The following IL17B variants were observed in gnomAD, a reference collection of about 807,000 sequenced individuals.
IL17B encodes interleukin 17B.
IL17B carries 14 observed loss-of-function variants against 14.7 expected under a neutral mutation model. That is an observed-to-expected ratio of 0.95 (90% CI 0.63 to 1.49). IL17B has a LOEUF of 1.49. Among genes scored for constraint, IL17B ranks in the 40% most tolerant of loss-of-function variants. The pLI, the probability that IL17B is intolerant of heterozygous loss-of-function variation, is 0.00. For missense variants in IL17B, 233 were observed against 252.8 expected, an observed-to-expected ratio of 0.92 and a Z score of 0.53; for synonymous variants, 105 against 94.8, an observed-to-expected ratio of 1.11 and a Z score of -0.62.
At chr5:149,390,665 A>C (rs1758929786) in intron 1 of IL17B, among the ~76,000 whole-genome samples, 1 of 147,928 alleles carries the variant, frequency 6.8e-6, no homozygotes, top group Non-Finnish European at 1.5e-5. Context: ...CCCTTCGCCA[A>C]CCCAGCTCTG....
chr5:149,392,274 C>T (rs1758984901), intron 1 of IL17B, among the ~76,000 whole-genome samples: 1 of 152,216 alleles, frequency 6.6e-6, no homozygotes, highest in African/African-American at 2.4e-5. Context: ...TTTCTAATTT[C>T]TATCTTGTAT....
At chr5:149,381,914 G>C (rs542418013), upstream of IL17B, among the ~76,000 whole-genome samples, 1 of 152,302 alleles carries the variant, frequency 6.6e-6, no homozygotes, top group South Asian at 2.1e-4. Flanking sequence ...TGGGGTCCTT[G>C]GGTCTTAACA....
intron 1 of IL17B, among the ~76,000 whole-genome samples, chr5:149,399,077 A>G (rs1454213759): frequency 6.6e-6 from 1 of 152,238 alleles, no homozygotes; most frequent in Non-Finnish European, 1.5e-5. Flanking sequence ...TCATGAGAAC[A>G]GCATGGGAAA....
At chr5:149,378,834 C>T (rs926515625) in intron 1 of IL17B, among the ~76,000 whole-genome samples, 3 of 152,216 alleles carry the variant, frequency 2.0e-5, no homozygotes, top group African/African-American at 7.2e-5. Flanking sequence ...GAATCAAAGT[C>T]CCCCTCCCTC....
At chr5:149,376,417 G>A (rs1255462775) in intron 2 of IL17B, among the ~76,000 whole-genome samples, 3 of 152,260 alleles carry the variant, frequency 2.0e-5, no homozygotes, top group Non-Finnish European at 2.9e-5. Context: ...GGCCCACAGA[G>A]CAGAGGAAGT....
At chr5:149,394,751 G>A (rs905191456) in intron 1 of IL17B, among the ~76,000 whole-genome samples, 5 of 152,180 alleles carry the variant, frequency 3.3e-5, no homozygotes, top group African/African-American at 7.2e-5. Flanking sequence ...TTCTTTTAGC[G>A]TATGGCTCTG....
Position 149,388,507 on chromosome 5 carries a change from G to A in IL17B, n.96-11482C>T, listed in dbSNP as rs151139652. ...ATATGCTCCCCAGCCTTTTATTAGC[G>A]TTTTAAATGTCTGTCTCCCTGCTTC... On this transcript the variant is annotated intron_variant and non_coding_transcript_variant, in intron 1 of 2. Transcript: ENST00000505432. Among the ~76,000 whole-genome samples, 356 of 152,310 alleles carry A rather than the reference G, an allele frequency of 2.3e-3. 1 individual carries two copies. The highest frequency in any genetic ancestry group is 8.1e-3 in the African/African-American group (337 of 41,562).
rs1491235916 is a variant in IL17B at position 149,390,630 on chromosome 5, C to CACACACACACAGAG, written n.95+13477_95+13478insCTCTGTGTGTGTGT. Among the ~76,000 whole-genome samples the CACACACACACAGAG allele has an allele frequency of 2.9e-3, 379 of 132,042 alleles. 3 individuals are homozygous for CACACACACACAGAG. Among genetic ancestry groups the CACACACACACAGAG allele is most frequent in the African/African-American group, 6.2e-3 (213 of 34,554 alleles). 86.6% of individuals were successfully genotyped at this position (132,042 alleles called of 152,430 possible). A position where few individuals can be genotyped will look rare whatever the true frequency, so the allele number is the denominator to read the frequency against. ...ACACACACACACACACACACACACA[C>CACACACACACAGAG]AGAGATACACAAGGCCCTCCAAGTC... is the stretch of plus-strand genomic sequence containing the variant. On this transcript the variant is annotated intron_variant and non_coding_transcript_variant, in intron 1 of 2. Coordinates refer to the IL17B transcript ENST00000505432.
chr5:149,384,909 CTT>C lies in IL17B; in HGVS notation n.96-7886_96-7885del, dbSNP rs531690396. On this transcript the variant is annotated intron_variant and non_coding_transcript_variant, in intron 1 of 2. Transcript: ENST00000505432. ...GTTGTGGGGTGGAGGGGTTGTTGAG[CTT>C]TTTTTTTTTTTTTTTGAGATGGAGT... Among the ~76,000 whole-genome samples the C allele has an allele frequency of 1.8e-3, 243 of 131,736 alleles. 1 individual carries two copies. The highest frequency in any genetic ancestry group is 5.9e-3 in the African/African-American group (215 of 36,174). 86.4% of individuals were successfully genotyped at this position (131,736 alleles called of 152,430 possible).
At chr5:149,384,389 G>A (rs146095515) in intron 1 of IL17B, among the ~76,000 whole-genome samples, 1,675 of 152,122 alleles carry the variant, frequency 0.011, 15 homozygotes, top group Non-Finnish European at 0.018. Context: ...TGGCAAGTTC[G>A]GGCTGATATT....
rs377701351 is a variant in IL17B, at chr5:149,374,506, G to A, written c.406C>T (p.Arg136Cys). The change falls in exon 3 of 3, where the codon CGC becomes TGC. Residue 136 changes from arginine (R) to cysteine (C), a missense_variant. Transcript: ENST00000261796. This position sits in a 1 kb window ranked among gnomAD's most constrained non-coding sequence, Gnocchi z 5.0. ...CVNPFTMQED[R>C]SMVSVPVFSQ... ...AACACCGGCACGCTCACCATGCTGC[G>A]GTCCTCCTGCATGGTGAAGGGGTTC... 2.1e-5 allele frequency: 34 copies of A among 1,613,118 alleles called. No homozygotes were observed. The highest frequency in any genetic ancestry group is 1.7e-4 in the African/African-American group (13 of 74,936).
intron 1 of IL17B, among the ~76,000 whole-genome samples, chr5:149,401,214 C>T (rs751977277): frequency 3.4e-4 from 51 of 152,232 alleles, no homozygotes; most frequent in Non-Finnish European, 5.7e-4. Context: ...TTCCTAATTG[C>T]ATAAGCTTCC....
At chr5:149,396,936 AT>A (rs1759105163) in intron 1 of IL17B, among the ~76,000 whole-genome samples, 1 of 152,128 alleles carries the variant, frequency 6.6e-6, no homozygotes, top group African/African-American at 2.4e-5. Context: ...ATGGCGCTAT[AT>A]GGGAAGGGGC....
chr5:149,398,860 C>T (rs2127622934), intron 1 of IL17B, among the ~76,000 whole-genome samples: 1 of 152,290 alleles, frequency 6.6e-6, no homozygotes, highest in Middle Eastern at 3.4e-3. Flanking sequence ...CCAGATGTCA[C>T]CACTGTACTC....
intron 1 of IL17B, among the ~76,000 whole-genome samples, chr5:149,394,386 C>T (rs773201605): frequency 6.6e-6 from 1 of 152,114 alleles, no homozygotes; most frequent in Non-Finnish European, 1.5e-5. Context: ...CCCAAAGAAC[C>T]GAGATCTTGA....
At chr5:149,400,822 A>T (rs1759190482) in intron 1 of IL17B, among the ~76,000 whole-genome samples, 1 of 152,224 alleles carries the variant, frequency 6.6e-6, no homozygotes, top group Admixed American at 6.5e-5. Flanking sequence ...TAAGTCCCAG[A>T]GTCCCAAGGA....
intron 2 of IL17B, among the ~76,000 whole-genome samples, chr5:149,375,853 TG>T (rs1391965599): frequency 6.6e-6 from 1 of 152,200 alleles, no homozygotes; most frequent in Non-Finnish European, 1.5e-5. Flanking sequence ...TACTCCAGCC[TG>T]GGTAACAGAG....
intron 1 of IL17B, among the ~76,000 whole-genome samples, chr5:149,392,382 C>A (rs941298625): frequency 2.0e-5 from 3 of 152,224 alleles, no homozygotes; most frequent in African/African-American, 7.2e-5. Context: ...CAGTGGAACC[C>A]TATCCAACCA....
At chr5:149,394,609 T>G (rs920921092) in intron 1 of IL17B, among the ~76,000 whole-genome samples, 4 of 152,222 alleles carry the variant, frequency 2.6e-5, no homozygotes, top group Admixed American at 2.0e-4. Flanking sequence ...GATGTGAAGA[T>G]GATATGAAAA....
Sources: allele counts gnomAD v4.1 joint callset (sites outside exome capture counted in the v4.1 genomes callset), GRCh38; gene constraint gnomAD v4.1.1; non-coding constraint Gnocchi (gnomAD v3.1); transcripts MANE v1.5; gene names NCBI Gene and HGNC (gene_info 2026-07-23, HGNC 2026-07-21).